The following THADA variants were observed in gnomAD, a reference collection of about 807,000 sequenced individuals.
The protein encoded by THADA is THADA armadillo repeat containing.
A neutral mutation model predicts 219.8 loss-of-function variants in THADA; 213 were observed. That is an observed-to-expected ratio of 0.97 (90% CI 0.87 to 1.09). The LOEUF is 1.09. Ranked by LOEUF, THADA falls within the 50% of genes least tolerant of loss-of-function variation. The pLI is 0.00. For synonymous variants in THADA, 1,018 were observed against 828.9 expected, an observed-to-expected ratio of 1.23 and a Z score of -3.92; for missense variants, 2,956 against 2,311.3, an observed-to-expected ratio of 1.28 and a Z score of -5.72.
At chr2:43,485,468 ATTT>A in intron 25 of THADA, 143 bp from the exon 26 acceptor site, 1 of 608,924 alleles carries the variant, frequency 1.6e-6, no homozygotes. Flanking sequence ...TCATAAAATA[ATTT>A]AAAAAAAAAA....
intron 28 of THADA, among the ~76,000 whole-genome samples, chr2:43,416,938 G>T (rs185587658): frequency 1.3e-5 from 2 of 151,338 alleles, no homozygotes; most frequent in African/African-American, 2.4e-5. Flanking sequence ...CACAGATTTA[G>T]ATTTCCTTTT....
chr2:43,503,470 A>G (rs1689279273), intron 24 of THADA, among the ~76,000 whole-genome samples: 1 of 152,216 alleles, frequency 6.6e-6, no homozygotes, highest in Non-Finnish European at 1.5e-5. Context: ...AAAAGGAGAT[A>G]AAAGTATGAT....
intron 31 of THADA, among the ~76,000 whole-genome samples, chr2:43,317,065 T>C (rs911757353): frequency 6.6e-6 from 1 of 152,204 alleles, no homozygotes; most frequent in Non-Finnish European, 1.5e-5. Context: ...CCTTTTACAA[T>C]GGAAACAACG....
intron 26 of THADA, among the ~76,000 whole-genome samples, chr2:43,445,958 G>A (rs909524204): frequency 9.9e-5 from 15 of 152,166 alleles, no homozygotes; most frequent in Non-Finnish European, 2.9e-5. Flanking sequence ...AAAGGTCTTG[G>A]TCCTGGAAGA....
chr2:43,294,420 C>T (rs1157354203), intron 31 of THADA, among the ~76,000 whole-genome samples: 3 of 152,170 alleles, frequency 2.0e-5, no homozygotes, highest in Non-Finnish European at 2.9e-5. Flanking sequence ...GGGGAACCAG[C>T]TGAGCAAAGG....
At chr2:43,473,707 C>T (rs1208516349) in intron 26 of THADA, among the ~76,000 whole-genome samples, 2 of 152,032 alleles carry the variant, frequency 1.3e-5, no homozygotes, top group African/African-American at 2.4e-5. Flanking sequence ...CTCCTGGGCT[C>T]AAGCGATTCT....
chr2:43,487,640 G>A (rs1322289298), intron 25 of THADA, among the ~76,000 whole-genome samples: 1 of 152,284 alleles, frequency 6.6e-6, no homozygotes, highest in African/African-American at 2.4e-5. Context: ...AGGTGGTGGA[G>A]GCCCTTGGGA....
chr2:43,241,642 T>C (rs1668631831), intron 36 of THADA, among the ~76,000 whole-genome samples: 1 of 151,700 alleles, frequency 6.6e-6, no homozygotes, highest in Non-Finnish European at 1.5e-5. Flanking sequence ...TAGCATCTTT[T>C]GAAAATTAGG....
At chr2:43,594,862 T>C (rs1355392972) in intron 1 of THADA, among the ~76,000 whole-genome samples, 1 of 152,226 alleles carries the variant, frequency 6.6e-6, no homozygotes, top group Admixed American at 6.5e-5. Context: ...AAGCCTTCCA[T>C]GACCACTCTA....
At chr2:43,418,232 G>A (rs899141176) in intron 28 of THADA, among the ~76,000 whole-genome samples, 2 of 152,124 alleles carry the variant, frequency 1.3e-5, no homozygotes, top group Non-Finnish European at 2.9e-5. Flanking sequence ...CTGGGCCTTG[G>A]CTTTTCACCT....
At chr2:43,249,494 A>C (rs1669597311) in intron 36 of THADA, among the ~76,000 whole-genome samples, 1 of 152,098 alleles carries the variant, frequency 6.6e-6, no homozygotes, top group Non-Finnish European at 1.5e-5. Context: ...CTCTGACCTG[A>C]TTATGTCTCA....
intron 31 of THADA, among the ~76,000 whole-genome samples, chr2:43,312,181 T>C (rs1045550501): frequency 2.7e-5 from 4 of 149,442 alleles, no homozygotes; most frequent in Non-Finnish European, 5.9e-5. Flanking sequence ...ACTGTGCCAC[T>C]GCACTCCAGC....
At chr2:43,398,955 T>G (rs188227554) in intron 28 of THADA, among the ~76,000 whole-genome samples, 5 of 152,274 alleles carry the variant, frequency 3.3e-5, no homozygotes, top group African/African-American at 1.2e-4. Context: ...AGTTCTTAAA[T>G]AGTGAAAGTC....
chr2:43,422,394 C>G (rs564243085), intron 28 of THADA, among the ~76,000 whole-genome samples: 4 of 152,256 alleles, frequency 2.6e-5, no homozygotes, highest in African/African-American at 9.6e-5. Flanking sequence ...CTCCCCTCGA[C>G]AGATACTAGT....
chr2:43,539,274 T>C (rs954413939), intron 21 of THADA, among the ~76,000 whole-genome samples: 6 of 152,230 alleles, frequency 3.9e-5, no homozygotes, highest in Admixed American at 3.9e-4. Flanking sequence ...ACTATGCTCT[T>C]GGAAGGGTGT....
chr2:43,323,349 T>C lies in THADA; in HGVS notation c.4344-2809A>G, dbSNP rs1252651557. On this transcript the variant is annotated intron_variant, in intron 30 of 37. Coordinates refer to ENST00000405975, the MANE Select transcript of THADA (RefSeq NM_022065.5). ...TTGTAGAGATGGGGTCTTGTTATATTGTCTAGCCTGGGGTTCTACTTTTTA... is the reference window on the plus strand; with the variant it reads ...TTGTAGAGATGGGGTCTTGTTATATCGTCTAGCCTGGGGTTCTACTTTTTA... Among the ~76,000 whole-genome samples the C allele has an allele frequency of 3.9e-5, 6 of 152,162 alleles. No individual in the cohort carries two copies. The East Asian group carries it at 9.6e-4, about 24-fold the overall frequency.
intron 31 of THADA, among the ~76,000 whole-genome samples, chr2:43,305,863 T>C (rs1478388393): frequency 6.6e-6 from 1 of 152,194 alleles, no homozygotes; most frequent in African/African-American, 2.4e-5. Context: ...TAGTTATTTC[T>C]AAGCATACAC....
At chr2:43,564,194 T>C (rs1698406721) in intron 15 of THADA, 1 of 152,264 alleles carries the variant, frequency 6.6e-6, no homozygotes, top group Non-Finnish European at 1.5e-5. Flanking sequence ...TGAAGTACTA[T>C]TGAAATTCTA....
At position 43,560,398 on chromosome 2, in the gene THADA, TAAAAAC is replaced by T. The variant is rs763704367; in HGVS notation, c.2312-19_2312-14del. 5.4e-5 allele frequency: 81 copies of T among 1,499,254 alleles called. No individual in the cohort carries two copies. The highest frequency in any genetic ancestry group is 6.8e-5 in the Non-Finnish European group (76 of 1,121,584). 92.9% of individuals were successfully genotyped at this position (1,499,254 alleles called of 1,614,324 possible). On this transcript the variant is annotated splice_polypyrimidine_tract_variant and intron_variant, in intron 15 of 37. Transcript: ENST00000405975. ...GTATAAATTCTGCCTAAAAATATTT[TAAAAAC>T]AAAAAGATTTAAAAGTGAACAAAAA... is the stretch of plus-strand genomic sequence containing the variant.
Sources: allele counts gnomAD v4.1 joint callset (sites outside exome capture counted in the v4.1 genomes callset), GRCh38; gene constraint gnomAD v4.1.1; transcripts MANE v1.5; gene names NCBI Gene and HGNC (gene_info 2026-07-23, HGNC 2026-07-21).